PRKG1: variants seen among roughly 807,000 people sequenced by gnomAD.
The protein encoded by PRKG1 is cGMP-dependent protein kinase 1.
A neutral mutation model predicts 88.1 loss-of-function variants in PRKG1; 35 were observed. The observed-to-expected ratio is 0.40, with a 90% CI of 0.30 to 0.53. The LOEUF (loss-of-function observed/expected upper bound fraction) is 0.53. Among genes scored for constraint, PRKG1 ranks in the 20% least tolerant of loss-of-function variants. The pLI, the probability that PRKG1 is intolerant of heterozygous loss-of-function variation, is 0.59. For missense variants in PRKG1, 540 were observed against 839.8 expected (o/e 0.64, Z 4.41); for synonymous variants, 303 against 292.5 (o/e 1.04, Z -0.37).
chr10:51,929,314 T>C (rs1276283297), intron 5 of PRKG1, among the ~76,000 whole-genome samples: 1 of 151,124 alleles, frequency 6.6e-6, no homozygotes, highest in African/African-American at 2.4e-5. Flanking sequence ...ATCTTCTTCC[T>C]AGCATTGCCT....
At chr10:51,617,364 A>ATT (rs1564574797) in intron 3 of PRKG1, among the ~76,000 whole-genome samples, 1 of 151,564 alleles carries the variant, frequency 6.6e-6, no homozygotes, top group East Asian at 1.9e-4. Context: ...TCTACTCGCT[A>ATT]TTTTGGTTTT....
chr10:51,312,870 G>C (rs1233881986), intron 2 of PRKG1, among the ~76,000 whole-genome samples: 1 of 152,088 alleles, frequency 6.6e-6, no homozygotes, highest in Non-Finnish European at 1.5e-5. Context: ...ATTTTTCACT[G>C]TGGGACTAAT....
chr10:51,528,807 A>G (rs1446744609), intron 3 of PRKG1, among the ~76,000 whole-genome samples: 2 of 152,158 alleles, frequency 1.3e-5, no homozygotes, highest in African/African-American at 2.4e-5. Flanking sequence ...TCAGAAGTCA[A>G]TCAATCAACT....
chr10:52,166,910 CACACACAT>C (rs1391962642), intron 9 of PRKG1, among the ~76,000 whole-genome samples: 15 of 133,866 alleles, frequency 1.1e-4, no homozygotes, highest in Admixed American at 3.8e-4. Context: ...CACACACACA[CACACACAT>C]ATATATAAGC....
chr10:51,203,549 G>A (rs1837966607), intron 2 of PRKG1, among the ~76,000 whole-genome samples: 1 of 152,178 alleles, frequency 6.6e-6, no homozygotes, highest in Non-Finnish European at 1.5e-5. Context: ...ACAGCTGGAT[G>A]TGCTGCAATG....
At chr10:52,037,011 C>T (rs184257914) in intron 5 of PRKG1, among the ~76,000 whole-genome samples, 527 of 152,346 alleles carry the variant, frequency 3.5e-3, no homozygotes, top group African/African-American at 0.012. Context: ...GCTTCCGAGG[C>T]GATCAAGCAG....
intron 7 of PRKG1, among the ~76,000 whole-genome samples, chr10:52,108,231 A>G (rs1323769011): frequency 6.6e-6 from 1 of 152,204 alleles, no homozygotes; most frequent in Non-Finnish European, 1.5e-5. Flanking sequence ...TTAAATTCTT[A>G]AAGAGGATGT....
At chr10:52,037,444 T>G (rs1182117123) in intron 5 of PRKG1, among the ~76,000 whole-genome samples, 7 of 152,234 alleles carry the variant, frequency 4.6e-5, no homozygotes, top group Non-Finnish European at 1.0e-4. Flanking sequence ...TTATTTAATG[T>G]CTGGAGCAGA....
intron 4 of PRKG1, among the ~76,000 whole-genome samples, chr10:51,809,381 G>A (rs761850147): frequency 6.6e-6 from 1 of 152,004 alleles, no homozygotes; most frequent in Admixed American, 6.6e-5. Flanking sequence ...AGCATTTTCT[G>A]TCATCTTTGG....
chr10:51,155,976 G>A (rs1846200984), intron 2 of PRKG1, among the ~76,000 whole-genome samples: 1 of 151,860 alleles, frequency 6.6e-6, no homozygotes, highest in African/African-American at 2.4e-5. Context: ...AACATCACAA[G>A]TCAATCGACC....
intron 5 of PRKG1, among the ~76,000 whole-genome samples, chr10:51,976,075 A>G (rs1343354092): frequency 6.6e-6 from 1 of 152,086 alleles, no homozygotes; most frequent in East Asian, 1.9e-4. Context: ...ATACCAGTTC[A>G]TACTGACTAG....
At chr10:52,244,796 A>ATATATTTAGATATATTTAAATG (rs1554820958) in intron 9 of PRKG1, among the ~76,000 whole-genome samples, 1 of 144,028 alleles carries the variant, frequency 6.9e-6, no homozygotes, top group Non-Finnish European at 1.5e-5. Context: ...ATATTTAAAT[A>ATATATTTAGATATATTTAAATG]TATATTTAGA....
At chr10:51,239,320 T>TAA (rs1839088649) in intron 2 of PRKG1, among the ~76,000 whole-genome samples, 1 of 152,072 alleles carries the variant, frequency 6.6e-6, no homozygotes, top group Admixed American at 6.6e-5. Flanking sequence ...TCTAAGAAAG[T>TAA]AAAAAAATAA....
chr10:51,809,507 T>G (rs1361863341), intron 4 of PRKG1, among the ~76,000 whole-genome samples: 1 of 152,226 alleles, frequency 6.6e-6, no homozygotes, highest in Non-Finnish European at 1.5e-5. Context: ...CTATTAAAAC[T>G]GGTATCTATA....
chr10:51,029,795 G>A (rs566692411), intron 1 of PRKG1, among the ~76,000 whole-genome samples: 7 of 152,086 alleles, frequency 4.6e-5, no homozygotes, highest in African/African-American at 7.2e-5. Flanking sequence ...AACATTACAC[G>A]AATGTAGGAG....
At chr10:51,930,427 GA>G (rs11392574) in intron 5 of PRKG1, among the ~76,000 whole-genome samples, 4 of 147,284 alleles carry the variant, frequency 2.7e-5, no homozygotes, top group East Asian at 2.0e-4. Context: ...CAATTAATTA[GA>G]AAAAAAGAAT....
intron 3 of PRKG1, among the ~76,000 whole-genome samples, chr10:51,687,950 G>T (rs1035740549): frequency 2.6e-5 from 4 of 152,130 alleles, no homozygotes; most frequent in African/African-American, 9.7e-5. Flanking sequence ...TTGTTTGTCT[G>T]CTTGCTTGTC....
chr10:51,839,103 G>A (rs910671862), intron 4 of PRKG1, among the ~76,000 whole-genome samples: 7 of 152,238 alleles, frequency 4.6e-5, no homozygotes, highest in East Asian at 1.9e-4. Context: ...GACATTTCAG[G>A]ACTGCCCCCT....
At chr10:52,069,482 A>T (rs1209969161) in intron 7 of PRKG1, among the ~76,000 whole-genome samples, 1 of 152,164 alleles carries the variant, frequency 6.6e-6, no homozygotes, top group Non-Finnish European at 1.5e-5. Context: ...AGTGAATGAG[A>T]TCACACCACT....
Sources: gnomAD v4.1 joint callset for allele counts (sites outside exome capture counted in the v4.1 genomes callset) on GRCh38, gnomAD v4.1.1 for gene constraint, MANE v1.5 for transcripts, NCBI Gene and HGNC (gene_info 2026-07-23, HGNC 2026-07-21) for gene names.